The following CTNNA2 variants were observed in gnomAD, a reference collection of about 807,000 sequenced individuals.
CTNNA2 encodes catenin alpha 2.
Under a neutral mutation model 101.0 loss-of-function variants are expected in CTNNA2, and 42 were observed. The ratio of observed to expected loss-of-function variants is 0.42; its 90% CI spans 0.32 to 0.54. CTNNA2 has a LOEUF of 0.54. Ranked by LOEUF, CTNNA2 falls within the 20% of genes least tolerant of loss-of-function variation. CTNNA2 has a pLI of 0.14. For synonymous variants in CTNNA2, 450 were observed against 456.4 expected (o/e 0.99, Z 0.18); for missense variants, 871 against 1,223.1 (o/e 0.71, Z 4.29).
chr2:79,855,183 T>A (rs2103932232), intron 3 of CTNNA2, among the ~76,000 whole-genome samples: 1 of 152,314 alleles, frequency 6.6e-6, no homozygotes, highest in Middle Eastern at 3.4e-3. Context: ...TTTTCTAATG[T>A]GGGTCTCTCT....
chr2:79,557,190 A>G (rs1674499528), intron 1 of CTNNA2, among the ~76,000 whole-genome samples: 1 of 152,064 alleles, frequency 6.6e-6, no homozygotes, highest in African/African-American at 2.4e-5. Context: ...AATACATAAA[A>G]TTAAATTATG....
rs539977054 is a variant in CTNNA2, at chr2:80,045,702, T to G, written c.1056+135905T>G. The stretch of plus-strand genomic sequence containing the variant: ...AATTTGTCCAGAATAGGGTCATGCT[T>G]TATAATAGCAGCATAAGAAGCACCA... On this transcript the variant is annotated intron_variant, in intron 7 of 18. Coordinates refer to ENST00000402739, the MANE Select transcript of CTNNA2 (RefSeq NM_001282597.3). 1.4e-4 allele frequency among the ~76,000 whole-genome samples: 22 copies of G among 152,274 alleles called. No individual in the cohort carries two copies. The South Asian group carries it at 1.9e-3, about 13-fold the overall frequency.
chr2:79,921,636 A>C (rs1167625114), intron 7 of CTNNA2, among the ~76,000 whole-genome samples: 1 of 152,210 alleles, frequency 6.6e-6, no homozygotes, highest in Non-Finnish European at 1.5e-5. Context: ...TGTACTCTCA[A>C]ATGCCAGAAG....
chr2:79,424,109 C>T (rs114859099), intron 4 of CTNNA2, among the ~76,000 whole-genome samples: 104 of 152,164 alleles, frequency 6.8e-4, no homozygotes, highest in Non-Finnish European at 1.1e-3. Flanking sequence ...GAAGCCAATG[C>T]TAGATCATGG....
At chr2:80,497,931 C>T (rs1355640113) in intron 9 of CTNNA2, among the ~76,000 whole-genome samples, 3 of 152,198 alleles carry the variant, frequency 2.0e-5, no homozygotes, top group Non-Finnish European at 2.9e-5. Context: ...ACCTTAATTT[C>T]AGCCTCATGA....
chr2:79,332,301 G>A (rs925748563), intron 3 of CTNNA2, among the ~76,000 whole-genome samples: 36 of 144,970 alleles, frequency 2.5e-4, no homozygotes, highest in Non-Finnish European at 2.3e-4. Flanking sequence ...AAAAGAAGAA[G>A]AAAAAAAAAA....
chr2:79,580,373 T>C (rs1676076851), intron 1 of CTNNA2, among the ~76,000 whole-genome samples: 1 of 152,100 alleles, frequency 6.6e-6, no homozygotes, highest in South Asian at 2.1e-4. Flanking sequence ...AAGAATGCAG[T>C]GGTGGAAGCC....
chr2:80,354,411 C>T (rs2149304242), intron 7 of CTNNA2, among the ~76,000 whole-genome samples: 1 of 152,220 alleles, frequency 6.6e-6, no homozygotes, highest in East Asian at 1.9e-4. Flanking sequence ...CCACTAGAAG[C>T]ACAACTAGAA....
intron 7 of CTNNA2, among the ~76,000 whole-genome samples, chr2:79,941,594 G>A (rs1165233768): frequency 2.0e-5 from 3 of 152,134 alleles, no homozygotes; most frequent in Non-Finnish European, 4.4e-5. Context: ...TAAACCACAC[G>A]ATTGTAGAAC....
At chr2:80,078,345 G>A (rs1331110203) in intron 7 of CTNNA2, among the ~76,000 whole-genome samples, 1 of 152,144 alleles carries the variant, frequency 6.6e-6, no homozygotes, top group Non-Finnish European at 1.5e-5. Flanking sequence ...GACCAGTGAA[G>A]GTTCCTGGAG....
At chr2:79,931,995 G>A (rs778621955) in intron 7 of CTNNA2, among the ~76,000 whole-genome samples, 2 of 152,290 alleles carry the variant, frequency 1.3e-5, no homozygotes, top group East Asian at 1.9e-4. Context: ...AAATGCATGC[G>A]GTCAGCAACT....
chr2:80,334,113 A>G (rs1040748506), intron 7 of CTNNA2, among the ~76,000 whole-genome samples: 1 of 152,100 alleles, frequency 6.6e-6, no homozygotes, highest in Non-Finnish European at 1.5e-5. Context: ...CTTCCTTTTG[A>G]AGAATATCTT....
chr2:79,190,938 T>C (rs981565050), intron 1 of CTNNA2, among the ~76,000 whole-genome samples: 1 of 152,200 alleles, frequency 6.6e-6, no homozygotes, highest in Admixed American at 6.5e-5. Flanking sequence ...CTACCCATAG[T>C]CATCTATCTC....
chr2:80,029,917 A>G (rs1194412998), intron 7 of CTNNA2, among the ~76,000 whole-genome samples: 1 of 152,146 alleles, frequency 6.6e-6, no homozygotes, highest in East Asian at 1.9e-4. Flanking sequence ...GAGCTGGATA[A>G]TGCTTCCATG....
At chr2:79,224,014 T>C (rs966619718) in intron 2 of CTNNA2, among the ~76,000 whole-genome samples, 1 of 152,200 alleles carries the variant, frequency 6.6e-6, no homozygotes, top group Non-Finnish European at 1.5e-5. Flanking sequence ...AAATCAGTAA[T>C]AGGTTGAGAT....
chr2:79,237,178 G>A (rs1398942321), intron 2 of CTNNA2, among the ~76,000 whole-genome samples: 1 of 152,212 alleles, frequency 6.6e-6, no homozygotes, highest in Non-Finnish European at 1.5e-5. Context: ...CAGAATGGAT[G>A]TTGTGTTAGA....
chr2:79,578,423 C>T (rs1320722758), intron 1 of CTNNA2, among the ~76,000 whole-genome samples: 1 of 151,934 alleles, frequency 6.6e-6, no homozygotes, highest in African/African-American at 2.4e-5. Flanking sequence ...TTGTGGGTTT[C>T]TTTTTCAGGC....
chr2:80,582,912 CTT>C (rs1353742336), intron 14 of CTNNA2, among the ~76,000 whole-genome samples: 7 of 152,076 alleles, frequency 4.6e-5, no homozygotes, highest in African/African-American at 1.4e-4. Context: ...TCAAGAAAGA[CTT>C]TGTGTCTAAA....
intron 3 of CTNNA2, among the ~76,000 whole-genome samples, chr2:79,793,770 T>C (rs1675468225): frequency 6.6e-6 from 1 of 152,156 alleles, no homozygotes; most frequent in South Asian, 2.1e-4. Flanking sequence ...ACCCAAATTA[T>C]AGTGCAGAAA....
Sources: allele counts gnomAD v4.1 joint callset (sites outside exome capture counted in the v4.1 genomes callset), GRCh38; gene constraint gnomAD v4.1.1; transcripts MANE v1.5; gene names NCBI Gene and HGNC (gene_info 2026-07-23, HGNC 2026-07-21).